ACACA: variants seen among roughly 807,000 people sequenced by gnomAD.
ACACA encodes acetyl-CoA carboxylase 1.
Under a neutral mutation model 296.1 loss-of-function variants are expected in ACACA, and 103 were observed. The ratio of observed to expected loss-of-function variants is 0.35; its 90% CI spans 0.30 to 0.41. The LOEUF (loss-of-function observed/expected upper bound fraction) is 0.41. Ranked by LOEUF, ACACA falls within the 10% of genes least tolerant of loss-of-function variation. The probability of loss-of-function intolerance (pLI) is 1.00; values close to 1 mark genes in which losing one functional copy is unlikely to be tolerated. For missense variants in ACACA, 1,554 were observed against 2,989.7 expected (o/e 0.52, Z 11.20); for synonymous variants, 953 against 1,038.6 (o/e 0.92, Z 1.58).
Position 37,379,235 on chromosome 17 carries a change from G to T in ACACA, c.38+27027C>A, listed in dbSNP as rs751847020. On this transcript the variant is annotated intron_variant, in intron 1 of 55. Transcript: ENST00000616317. Reference sequence around the variant, plus strand: ...TGACAGCAAAGTAAAAGTCAACCTTGTATATTTGGAGAGAAGGCCAAAGGT... The same window carrying T: ...TGACAGCAAAGTAAAAGTCAACCTTTTATATTTGGAGAGAAGGCCAAAGGT... 17 of 1,613,884 alleles carry T rather than the reference G, an allele frequency of 1.1e-5. No individual in the cohort carries two copies. In the East Asian group the frequency reaches 3.3e-4, roughly 32 times the overall value.
At position 37,275,966 on chromosome 17, in the gene ACACA, G is replaced by A. The variant is rs543034212; in HGVS notation, c.886C>T (p.Pro296Ser). ...CAGTTCTTACCACTGCCGCTCCAGG[G>A]AAGAGTTGGGATACCTGCAGTTTGA... ...VAQTAGIPTL[P>S]WSGSGLRVDW... Residue 296 changes from proline to serine, a missense_variant, in exon 8 of 56, where the codon CCC becomes TCC. By Grantham distance (74) the Pro-to-Ser change is moderately conservative. Transcript: ENST00000616317. 3 of 1,613,992 alleles carry A rather than the reference G, an allele frequency of 1.9e-6. No homozygotes were observed. The highest frequency in any genetic ancestry group is 1.7e-6 in the Non-Finnish European group (2 of 1,179,824).
intron 41 of ACACA, among the ~76,000 whole-genome samples, chr17:37,178,116 A>C (rs1310948604): frequency 1.3e-5 from 2 of 152,218 alleles, no homozygotes; most frequent in Non-Finnish European, 2.9e-5. Context: ...AAATAAAAAT[A>C]TCTCTCTTTT....
At chr17:37,390,304 T>TTTTATATATATATATATTATATATATA (rs1201500381) in intron 1 of ACACA, among the ~76,000 whole-genome samples, 3 of 17,976 alleles carry the variant, frequency 1.7e-4, no homozygotes, top group African/African-American at 3.8e-4. Flanking sequence ...TTATACATAA[T>TTTTATATATATATATATTATATATATA]TATATATATA....
At position 37,406,533 on chromosome 17, in the gene ACACA, G is replaced by A. The variant is rs2051517480; in HGVS notation, c.-234C>T. ...AGCCTCAATTTCCCTTGCTGCAACA[G>A]GGGTGGAGATGGGAACGTTATCCCC... On this transcript the variant is annotated 5_prime_UTR_variant, in exon 1 of 56. Coordinates refer to ENST00000616317, the MANE Select transcript of ACACA (RefSeq NM_198834.3). The A allele has an allele frequency of 4.9e-6, 3 of 613,970 alleles. No individual in the cohort carries two copies. The highest frequency in any genetic ancestry group is 8.7e-6 in the Non-Finnish European group (3 of 345,610). The allele number at this position is 613,970 out of a possible 1,614,324, so 38.0% of individuals were successfully genotyped here. A position where few individuals can be genotyped will look rare whatever the true frequency, so the allele number is the denominator to read the frequency against.
chr17:37,403,629 T>C (rs2051364964), intron 1 of ACACA, among the ~76,000 whole-genome samples: 1 of 152,054 alleles, frequency 6.6e-6, no homozygotes, highest in Admixed American at 6.6e-5. Flanking sequence ...CTGCCTACCT[T>C]GGCTTCCCAA....
chr17:37,399,999 T>C (rs1401130545), intron 1 of ACACA, among the ~76,000 whole-genome samples: 1 of 152,184 alleles, frequency 6.6e-6, no homozygotes. Context: ...ATCAAGCTAA[T>C]TAACAAATCC....
At chr17:37,127,184 C>T (rs1186114676) in intron 47 of ACACA, among the ~76,000 whole-genome samples, 3 of 152,168 alleles carry the variant, frequency 2.0e-5, no homozygotes, top group African/African-American at 7.2e-5. Flanking sequence ...TACTTCTGTT[C>T]ACCCATGAAA....
At chr17:37,153,485 T>C (rs967902867) in intron 43 of ACACA, among the ~76,000 whole-genome samples, 1 of 152,196 alleles carries the variant, frequency 6.6e-6, no homozygotes, top group Non-Finnish European at 1.5e-5. Context: ...TTTGAAAATG[T>C]CCTGTCTTTG....
rs529797821 is a variant in ACACA, at chr17:37,305,413, CT to C, written c.339-20444del. On this transcript the variant is annotated intron_variant, in intron 3 of 55. Coordinates refer to ENST00000616317, the MANE Select transcript of ACACA (RefSeq NM_198834.3). Reference sequence around the variant, plus strand: ...AAATGTGGCTTTTGAGGAGTCACCCCTATGTCTGTGTAGCCAATGATTAGAT... The same window carrying C: ...AAATGTGGCTTTTGAGGAGTCACCCCATGTCTGTGTAGCCAATGATTAGAT... Among the ~76,000 whole-genome samples, 10 of 152,244 alleles carry C rather than the reference CT, an allele frequency of 6.6e-5. No homozygotes were observed. In the East Asian group the frequency reaches 1.9e-3, roughly 29 times the overall value.
intron 1 of ACACA, chr17:37,388,586 CAGA>C: frequency 6.8e-7 from 1 of 1,469,536 alleles, no homozygotes; most frequent in Non-Finnish European, 9.3e-7. Context: ...TCTTGTGAGC[CAGA>C]AGAACTTCAG....
At chr17:37,349,683 A>T (rs1207003425) in intron 1 of ACACA, among the ~76,000 whole-genome samples, 1 of 151,046 alleles carries the variant, frequency 6.6e-6, no homozygotes, top group Admixed American at 6.6e-5. Context: ...CAGCATCCCA[A>T]GTAGCTGGGA....
chr17:37,394,180 T>C (rs1054397491), intron 1 of ACACA, among the ~76,000 whole-genome samples: 2 of 152,174 alleles, frequency 1.3e-5, no homozygotes, highest in Non-Finnish European at 2.9e-5. Flanking sequence ...GTGCCAATTA[T>C]TCCTGTGGAA....
chr17:37,322,264 T>C (rs1016538045), intron 3 of ACACA, among the ~76,000 whole-genome samples: 4 of 152,236 alleles, frequency 2.6e-5, no homozygotes, highest in Admixed American at 1.3e-4. Context: ...ACCCCAGTGA[T>C]AGACATCTTA....
chr17:37,406,312 G>C lies in ACACA; in HGVS notation c.-13C>G. ...TAGACCACCACATCCTCTCATCATT[G>C]CGCCTCAATTTGGGCCTCTGAAGCC... is the stretch of plus-strand genomic sequence containing the variant. On this transcript the variant is annotated 5_prime_UTR_variant, in exon 1 of 56. Transcript: ENST00000616317. The C allele has an allele frequency of 6.2e-7, 1 of 1,614,188 alleles. No individual in the cohort carries two copies. Among genetic ancestry groups the C allele is most frequent in the Non-Finnish European group, 8.5e-7 (1 of 1,180,012 alleles).
intron 45 of ACACA, among the ~76,000 whole-genome samples, chr17:37,131,379 A>C (rs979625855): frequency 6.6e-6 from 1 of 152,206 alleles, no homozygotes; most frequent in East Asian, 1.9e-4. Flanking sequence ...GGGCAGCCTG[A>C]TCACTGACTA....
chr17:37,182,975 CG>C (rs1243198966), intron 39 of ACACA, among the ~76,000 whole-genome samples: 1 of 151,970 alleles, frequency 6.6e-6, no homozygotes, highest in Non-Finnish European at 1.5e-5. Context: ...AAAAGTCACC[CG>C]GGGGGAAGCA....
intron 38 of ACACA, among the ~76,000 whole-genome samples, chr17:37,189,939 C>G (rs1010186246): frequency 6.6e-6 from 1 of 151,514 alleles, no homozygotes; most frequent in African/African-American, 2.4e-5. Context: ...CTTTGGGAGT[C>G]TGAGGCAGGA....
intron 43 of ACACA, among the ~76,000 whole-genome samples, chr17:37,154,967 T>A (rs2076181199): frequency 6.6e-6 from 1 of 152,230 alleles, no homozygotes; most frequent in African/African-American, 2.4e-5. Flanking sequence ...GGGAAACAAA[T>A]CCTATTCTAC....
chr17:37,088,582 T>G (rs186144430), intron 55 of ACACA, among the ~76,000 whole-genome samples: 277 of 152,296 alleles, frequency 1.8e-3, no homozygotes, highest in Non-Finnish European at 2.6e-3. Context: ...TACAGCTAAC[T>G]CTTGGCTTCA....
Sources: gnomAD v4.1 joint callset for allele counts (sites outside exome capture counted in the v4.1 genomes callset) on GRCh38, gnomAD v4.1.1 for gene constraint, MANE v1.5 for transcripts, NCBI Gene and HGNC (gene_info 2026-07-23, HGNC 2026-07-21) for gene names.